ANKRD12: variants seen among roughly 807,000 people sequenced by gnomAD.
ANKRD12 encodes ankyrin repeat domain-containing protein 12.
In ANKRD12, 85 loss-of-function variants were observed where a neutral mutation model predicts 183.4. The ratio of observed to expected loss-of-function variants is 0.46; its 90% confidence interval spans 0.39 to 0.56. The LOEUF (loss-of-function observed/expected upper bound fraction) is 0.56, where lower values mean the gene tolerates loss of function less well. Ranked by LOEUF, ANKRD12 falls within the 20% of genes least tolerant of loss-of-function variation. The probability of loss-of-function intolerance (pLI) is 0.00; values close to 1 mark genes in which losing one functional copy is unlikely to be tolerated. For missense variants in ANKRD12, 2,405 were observed against 2,357.1 expected (o/e 1.02, Z -0.42); for synonymous variants, 914 against 800.2 (o/e 1.14, Z -2.40).
intron 1 of ANKRD12, among the ~76,000 whole-genome samples, chr18:9,165,678 G>A (rs78541649): frequency 0.018 from 2,709 of 152,068 alleles, 90 homozygotes; most frequent in African/African-American, 0.061. Flanking sequence ...TACATGACAT[G>A]TGTCAGAATT....
chr18:9,273,151 A>T (rs1271467499), intron 10 of ANKRD12, among the ~76,000 whole-genome samples: 2 of 152,200 alleles, frequency 1.3e-5, no homozygotes, highest in African/African-American at 4.8e-5. Context: ...CTTAGGCCAA[A>T]GAATATAGTT....
At chr18:9,209,730 A>G (rs2035680962) in intron 5 of ANKRD12, among the ~76,000 whole-genome samples, 1 of 152,180 alleles carries the variant, frequency 6.6e-6, no homozygotes, top group South Asian at 2.1e-4. Flanking sequence ...TCATTTTGCC[A>G]TGTAAAAACT....
At chr18:9,243,903 A>G (rs1430418355) in intron 8 of ANKRD12, among the ~76,000 whole-genome samples, 1 of 152,228 alleles carries the variant, frequency 6.6e-6, no homozygotes, top group Non-Finnish European at 1.5e-5. Flanking sequence ...GGGGAGGCTG[A>G]GGAGGGTGGA....
intron 8 of ANKRD12, among the ~76,000 whole-genome samples, chr18:9,244,483 C>T (rs1567958059): frequency 6.6e-6 from 1 of 152,020 alleles, no homozygotes; most frequent in Non-Finnish European, 1.5e-5. Context: ...CTGTGCCCAG[C>T]TCTAACTCAA....
intron 1 of ANKRD12, among the ~76,000 whole-genome samples, chr18:9,162,655 C>T (rs2031578609): frequency 6.6e-6 from 1 of 152,120 alleles, no homozygotes; most frequent in South Asian, 2.1e-4. Flanking sequence ...GAACTAATTC[C>T]TAACACTCCC....
rs773137590 is a variant in ANKRD12 at position 9,257,824 on chromosome 18, A to C, written c.4557A>C (p.Pro1519=). The C allele has an allele frequency of 6.8e-6, 11 of 1,613,824 alleles. No individual in the cohort carries two copies. The highest frequency in any genetic ancestry group is 5.9e-6 in the Non-Finnish European group (7 of 1,179,956). Residue 1519 remains proline, a synonymous_variant, in exon 9 of 13, where the codon CCA becomes CCC. Coordinates refer to ENST00000262126, the MANE Select transcript of ANKRD12 (RefSeq NM_015208.5). The part of the protein sequence containing the change: ...MSLSYVANQE[P]GILQQKNAVQ... ...TGTCATATGTTGCTAATCAAGAGCCAGGTATTTTACAACAAAAAAATGCAG... is the reference window on the plus strand; with the variant it reads ...TGTCATATGTTGCTAATCAAGAGCCCGGTATTTTACAACAAAAAAATGCAG...
intron 1 of ANKRD12, among the ~76,000 whole-genome samples, chr18:9,138,545 CAAAA>C (rs935283485): frequency 7.9e-5 from 12 of 151,730 alleles, no homozygotes; most frequent in African/African-American, 2.7e-4. Flanking sequence ...AACAAACAAA[CAAAA>C]AAACATATGC....
At position 9,257,591 on chromosome 18, in the gene ANKRD12, C is replaced by T; in HGVS notation, c.4324C>T (p.Pro1442Ser). 2 of 1,614,050 alleles carry T rather than the reference C, an allele frequency of 1.2e-6. No homozygotes were observed. Among genetic ancestry groups the T allele is most frequent in the Non-Finnish European group, 1.7e-6 (2 of 1,179,968 alleles). ...RDFICPNSNI[P>S]DQESSLQSFC... Reference sequence around the variant, plus strand: ...CTTTATCTGCCCAAATTCTAACATACCTGATCAAGAATCCTCTCTTCAGAG... The same window carrying T: ...CTTTATCTGCCCAAATTCTAACATATCTGATCAAGAATCCTCTCTTCAGAG... The change falls in exon 9 of 13, where the codon CCT (proline) becomes TCT (serine). Residue 1442 changes from proline to serine, a missense_variant. Around this residue, in one of 7 missense-constraint regions of ANKRD12, gnomAD observed 1,983 missense variants for 1,725.9 expected, o/e 1.15. Transcript: ENST00000262126.
chr18:9,143,330 A>G (rs1197102725), intron 1 of ANKRD12, among the ~76,000 whole-genome samples: 2 of 152,208 alleles, frequency 1.3e-5, no homozygotes, highest in Non-Finnish European at 2.9e-5. Context: ...TTTTTTCTTG[A>G]TTAAGATCAG....
chr18:9,222,484 AAC>A (rs1406922677), intron 8 of ANKRD12, among the ~76,000 whole-genome samples: 2 of 150,558 alleles, frequency 1.3e-5, no homozygotes, highest in East Asian at 1.9e-4. Context: ...TTTTTTTTTA[AAC>A]ACAATTTTTT....
chr18:9,151,180 A>C (rs1349865485), intron 1 of ANKRD12, among the ~76,000 whole-genome samples: 1 of 152,240 alleles, frequency 6.6e-6, no homozygotes, highest in African/African-American at 2.4e-5. Flanking sequence ...TTAATATCTC[A>C]GAAGCACAAC....
At chr18:9,212,000 A>T (rs2144642037) in intron 6 of ANKRD12, among the ~76,000 whole-genome samples, 1 of 152,224 alleles carries the variant, frequency 6.6e-6, no homozygotes, top group African/African-American at 2.4e-5. Context: ...CTAAACTTAT[A>T]CTTTAGTTGA....
chr18:9,266,212 AC>A (rs1280302474), intron 10 of ANKRD12, among the ~76,000 whole-genome samples: 2 of 152,236 alleles, frequency 1.3e-5, no homozygotes, highest in Non-Finnish European at 2.9e-5. Context: ...ATCCAGGAGA[AC>A]TTCCCCAATC....
At chr18:9,176,570 T>C (rs1381189752) in intron 1 of ANKRD12, among the ~76,000 whole-genome samples, 1 of 152,104 alleles carries the variant, frequency 6.6e-6, no homozygotes, top group East Asian at 1.9e-4. Context: ...GGATTACCAG[T>C]GTGAACCTCT....
At chr18:9,189,958 G>A (rs1221117058) in intron 2 of ANKRD12, among the ~76,000 whole-genome samples, 3 of 152,200 alleles carry the variant, frequency 2.0e-5, no homozygotes, top group Non-Finnish European at 4.4e-5. Context: ...TCTTATTAAA[G>A]AAGTATGCTT....
chr18:9,137,378 G>C (rs1490999938), intron 1 of ANKRD12, among the ~76,000 whole-genome samples: 2 of 146,466 alleles, frequency 1.4e-5, no homozygotes, highest in Non-Finnish European at 3.0e-5. Flanking sequence ...GCGGGGCTGG[G>C]CTGCCGCCGC....
intron 10 of ANKRD12, 147 bp downstream of exon 10, chr18:9,264,035 G>A: frequency 1.3e-6 from 1 of 757,008 alleles, no homozygotes; most frequent in Non-Finnish European, 1.9e-6. Flanking sequence ...TTTATTAGAT[G>A]GAAAAATTTT....
At position 9,221,871 on chromosome 18, in the gene ANKRD12, G is replaced by T; in HGVS notation, c.815G>T (p.Arg272Leu). ...TTGCAGATAGTAAAGCTGTTACTTC[G>T]TCACGGTGGAAATCCATTTCAAGCT... ...GHRDIVKLLL[R>L]HGGNPFQANK... The change falls in exon 8 of 13, where the codon CGT becomes CTT. Residue 272 changes from arginine (R) to leucine (L), a missense_variant. Coordinates refer to ENST00000262126, the MANE Select transcript of ANKRD12 (RefSeq NM_015208.5). 1 of 1,613,794 alleles carries T rather than the reference G, an allele frequency of 6.2e-7. No homozygotes were observed. The highest frequency in any genetic ancestry group is 8.5e-7 in the Non-Finnish European group (1 of 1,179,834).
chr18:9,210,611 C>T (rs895687877), intron 5 of ANKRD12, among the ~76,000 whole-genome samples: 10 of 150,608 alleles, frequency 6.6e-5, no homozygotes, highest in Non-Finnish European at 1.0e-4. Context: ...AATCCAGCCA[C>T]TCGGGAGGCT....
Sources: allele counts gnomAD v4.1 joint callset (sites outside exome capture counted in the v4.1 genomes callset), GRCh38; gene constraint gnomAD v4.1.1; regional missense constraint gnomAD v4.1.1; transcripts MANE v1.5; gene names NCBI Gene and HGNC (gene_info 2026-07-23, HGNC 2026-07-21).